The following MYO15A variants were observed in gnomAD, a reference collection of about 807,000 sequenced individuals.
MYO15A encodes unconventional myosin-XV.
MYO15A carries 308 observed loss-of-function variants against 394.6 expected under a neutral mutation model. That is an observed-to-expected ratio of 0.78 (90% CI 0.71 to 0.86). The LOEUF is 0.86. MYO15A is among the 40% of genes least tolerant of loss of function. The pLI is 0.00. For synonymous variants in MYO15A, 1,957 were observed against 2,003.8 expected (o/e 0.98, Z 0.62); for missense variants, 4,606 against 4,799.1 (o/e 0.96, Z 1.19).
At chr17:18,167,866 C>T (rs1005584326) in intron 62 of MYO15A, 143 bp downstream of exon 62, 33 of 1,357,662 alleles carry the variant, frequency 2.4e-5, no homozygotes, top group Non-Finnish European at 2.9e-5. Flanking sequence ...AAGGGGCTGT[C>T]CTTGCCTGGG....
chr17:18,148,269 C>A lies in MYO15A; in HGVS notation c.6691+59C>A. 6.2e-7 allele frequency: 1 copy of A among 1,603,178 alleles called. No homozygotes were observed. The highest frequency in any genetic ancestry group is 2.3e-5 in the East Asian group (1 of 44,364). ...TGGGAGTCAGCAGGGCCCAGTGAGC[C>A]CCGGGGATGGCAGAAGCCACTGGAT... On this transcript the variant is annotated intron_variant, in intron 31 of 65. Coordinates refer to ENST00000647165, the MANE Select transcript of MYO15A (RefSeq NM_016239.4). This position sits in a 1 kb window ranked among gnomAD's most constrained non-coding sequence, Gnocchi z 4.8.
At position 18,118,742 on chromosome 17, in the gene MYO15A, C is replaced by G; in HGVS notation, c.-59C>G. 1 of 1,605,730 alleles carries G rather than the reference C, an allele frequency of 6.2e-7. No individual in the cohort carries two copies. Among genetic ancestry groups the G allele is most frequent in the Non-Finnish European group, 8.5e-7 (1 of 1,177,536 alleles). On this transcript the variant is annotated 5_prime_UTR_variant, in exon 2 of 66. Transcript: ENST00000647165. ...CAAGAGACAGAGCAGGTCCCTGTGT[C>G]TCCAAGTCCCTGAGCCCGTGACACC...
At chr17:18,125,326 T>A in intron 4 of MYO15A, 95 bp downstream of exon 4, 2 of 1,216,862 alleles carry the variant, frequency 1.6e-6, no homozygotes, top group Non-Finnish European at 2.4e-6. Context: ...TTGTGGGCCC[T>A]AGCCCCTGTG....
At position 18,122,008 on chromosome 17, in the gene MYO15A, CA is replaced by C; in HGVS notation, c.3209del (p.Gln1070ArgfsTer55). 1 of 1,613,234 alleles carries C rather than the reference CA, an allele frequency of 6.2e-7. No individual in the cohort carries two copies. The highest frequency in any genetic ancestry group is 1.7e-5 in the Admixed American group (1 of 60,036). On this transcript the variant is annotated frameshift_variant, in exon 2 of 66. Transcript: ENST00000647165. LOFTEE classifies it high-confidence loss of function. ...CTCATACCCACTGGCTGCGTGTGAC[CA>C]GACCAGGGCCACATGGCCACCATGG... Reference protein sequence around the residue: ...SLSYPLAACDQTRATWPPWHR... With the variant: ...SLSYPLAACDXTRATWPPWHR...
chr17:18,170,061 T>C (rs1181346450), intron 62 of MYO15A, among the ~76,000 whole-genome samples: 1 of 151,562 alleles, frequency 6.6e-6, no homozygotes, highest in African/African-American at 2.4e-5. Context: ...CTCTGTACTG[T>C]CTGACTTAAG....
Position 18,126,448 on chromosome 17 carries a change from G to A in MYO15A, c.3858G>A (p.Glu1286=). ...AGTACAACGGACGGGCCCTGGGAGA[G>A]AATCCCCCGTGAGTGTCTCGGGGGC... ...VQQYNGRALG[E]NPPHLFAVAN... Residue 1286 remains glutamate (E), a synonymous_variant, in exon 5 of 66, where the codon GAG becomes GAA. Transcript: ENST00000647165. The A allele has an allele frequency of 5.6e-6, 9 of 1,613,832 alleles. No individual in the cohort carries two copies. The highest frequency in any genetic ancestry group is 7.6e-6 in the Non-Finnish European group (9 of 1,179,962).
Position 18,153,890 on chromosome 17 carries a change from C to G in MYO15A, c.8082C>G (p.Arg2694=). Residue 2694 remains arginine (R), a synonymous_variant, in exon 43 of 66, where the codon CGC becomes CGG. Coordinates refer to ENST00000647165, the MANE Select transcript of MYO15A (RefSeq NM_016239.4). This position sits in a 1 kb window ranked among gnomAD's most constrained non-coding sequence, Gnocchi z 4.1. ...ACGCCCCCTGGAAGATCTTCCTGCG[C>G]AAAGAGGTGCCGAGCACAGCCGTAG... The part of the protein sequence containing the change: ...YQDAPWKIFL[R]KEVFYPKDSY... 1 of 1,613,532 alleles carries G rather than the reference C, an allele frequency of 6.2e-7. No homozygotes were observed. The highest frequency in any genetic ancestry group is 8.5e-7 in the Non-Finnish European group (1 of 1,180,004).
rs765991947 is a variant in MYO15A, at chr17:18,121,681, G to A, written c.2881G>A (p.Glu961Lys). The A allele has an allele frequency of 3.6e-5, 58 of 1,607,672 alleles. No homozygotes were observed. The highest frequency in any genetic ancestry group is 1.7e-5 in the Non-Finnish European group (20 of 1,176,890). ...CTTTTCCAGGCCACCCCCTGTGCCG[G>A]AAAACCCCTTTCTCCAGCTCCTGGG... ...RGFSRPPPVP[E>K]NPFLQLLGPV... The change falls in exon 2 of 66, where the codon GAA (glutamate) becomes AAA (lysine). Residue 961 changes from glutamate to lysine, a missense_variant. By Grantham distance (56) the Glu-to-Lys change is moderately conservative. This residue lies in a region of MYO15A where 1,830 missense variants were observed against 1,689.7 expected (regional missense o/e 1.08). Coordinates refer to ENST00000647165, the MANE Select transcript of MYO15A (RefSeq NM_016239.4). This position sits in a 1 kb window ranked among gnomAD's most constrained non-coding sequence, Gnocchi z 5.3.
Position 18,132,400 on chromosome 17 carries a change from G to C in MYO15A, c.4207-53G>C. On this transcript the variant is annotated intron_variant, in intron 10 of 65. Transcript: ENST00000647165. This position sits in a 1 kb window ranked among gnomAD's most constrained non-coding sequence, Gnocchi z 4.6. ...GGCTTGGGCTTGTATGTGTGCCTGG[G>C]GGTCACCTAGGTAGGTGGCTCCCTT... 3.5e-6 allele frequency: 5 copies of C among 1,440,430 alleles called. No individual in the cohort carries two copies. The highest frequency in any genetic ancestry group is 4.9e-6 in the Non-Finnish European group (5 of 1,024,762). 89.2% of individuals were successfully genotyped at this position (1,440,430 alleles called of 1,614,324 possible).
chr17:18,159,799 G>A, intron 55 of MYO15A, 120 bp downstream of exon 55: 2 of 1,449,222 alleles, frequency 1.4e-6, no homozygotes, highest in South Asian at 1.2e-5. Flanking sequence ...AAAGAGGAAT[G>A]CATCATGCTG....
At chr17:18,137,496 C>A in intron 15 of MYO15A, 88 bp from the exon 16 acceptor site, 1 of 1,173,990 alleles carries the variant, frequency 8.5e-7, no homozygotes, top group Non-Finnish European at 1.3e-6. Context: ...TGAGCTCCAG[C>A]TTTTTGAAGT....
rs374742590 is a variant in MYO15A, at chr17:18,126,457, G to A, written c.3866+1G>A. 25 of 1,613,496 alleles carry A rather than the reference G, an allele frequency of 1.5e-5. No individual in the cohort carries two copies. Among genetic ancestry groups the A allele is most frequent in the South Asian group, 4.4e-5 (4 of 91,076 alleles). ...GACGGGCCCTGGGAGAGAATCCCCC[G>A]TGAGTGTCTCGGGGGCGCTGCCCTG... On this transcript the variant is annotated splice_donor_variant, in intron 5 of 65. Transcript: ENST00000647165. LOFTEE classifies it high-confidence loss of function.
In MYO15A at chr17:18,146,049, C is replaced by T; in HGVS notation, c.6451C>T (p.Leu2151=). The change falls in exon 30 of 66, where the codon CTG becomes TTG. Residue 2151 remains leucine, a synonymous_variant. Coordinates refer to ENST00000647165, the MANE Select transcript of MYO15A (RefSeq NM_016239.4). ...CAATGCTGAGCGGGGCTGGCTGCTG[C>T]TGGCCGCCTGCCTCAGTGGCTTTGC... The part of the protein sequence containing the change: ...AHNAERGWLL[L]AACLSGFAPS... 6.2e-7 allele frequency: 1 copy of T among 1,613,832 alleles called. No individual in the cohort carries two copies. The highest frequency in any genetic ancestry group is 8.5e-7 in the Non-Finnish European group (1 of 1,180,032).
chr17:18,160,629 T>G, intron 56 of MYO15A: 1 of 194,654 alleles, frequency 5.1e-6, no homozygotes, highest in Non-Finnish European at 1.1e-5. Context: ...GGGGCTGCGG[T>G]GTTCACATTG....
In MYO15A at chr17:18,173,766, T is replaced by C. The variant is rs377392348; in HGVS notation, c.10351-15T>C. ...CGCCCACAGGCCTGTCCGGCCCCTC[T>C]CCTCCTACTCCCAGGAATTGATGGT... On this transcript the variant is annotated splice_polypyrimidine_tract_variant and intron_variant, in intron 64 of 65. Coordinates refer to ENST00000647165, the MANE Select transcript of MYO15A (RefSeq NM_016239.4). The C allele has an allele frequency of 1.2e-6, 2 of 1,613,748 alleles. No individual in the cohort carries two copies. Among genetic ancestry groups the C allele is most frequent in the South Asian group, 2.2e-5 (2 of 91,082 alleles).
intron 51 of MYO15A, 135 bp downstream of exon 51, chr17:18,158,035 T>C (rs1273593362): frequency 1.6e-6 from 2 of 1,275,358 alleles, no homozygotes; most frequent in Non-Finnish European, 2.1e-6. Context: ...CTTGGACTAG[T>C]GTGAGGGTGA....
At position 18,119,128 on chromosome 17, in the gene MYO15A, C is replaced by A. The variant is rs779554298; in HGVS notation, c.328C>A (p.Arg110Ser). Residue 110 changes from arginine to serine, a missense_variant, in exon 2 of 66, where the codon CGC (arginine) becomes AGC (serine). Arg to Ser is a moderately radical substitution (Grantham distance 110). This residue lies in a region of MYO15A where 1,830 missense variants were observed against 1,689.7 expected (regional missense o/e 1.08). Coordinates refer to ENST00000647165, the MANE Select transcript of MYO15A (RefSeq NM_016239.4). ...CAAGAAGCCGTCCTTCATGGTGATC[C>A]GCTTCCCAGGCCGCCGTGGCTACGG... The part of the protein sequence containing the change: ...KGKKPSFMVI[R>S]FPGRRGYGRL... The A allele has an allele frequency of 1.9e-6, 3 of 1,611,846 alleles. No homozygotes were observed. Among genetic ancestry groups the A allele is most frequent in the South Asian group, 2.2e-5 (2 of 91,034 alleles).
rs866052034 is a variant in MYO15A at position 18,121,919 on chromosome 17, C to T, written c.3119C>T (p.Pro1040Leu). The T allele has an allele frequency of 2.5e-6, 4 of 1,613,208 alleles. No homozygotes were observed. The highest frequency in any genetic ancestry group is 8.5e-7 in the Non-Finnish European group (1 of 1,179,922). ...CCAGCACCTCCCAAGGATGTCACTC[C>T]CCCCAAGGATATCACTCCCCCCAAG... Reference protein sequence around the residue: ...PTPAPPKDVTPPKDITPPKDV... With the variant: ...PTPAPPKDVTLPKDITPPKDV... Residue 1040 changes from proline to leucine, a missense_variant, in exon 2 of 66, where the codon CCC becomes CTC. Coordinates refer to ENST00000647165, the MANE Select transcript of MYO15A (RefSeq NM_016239.4). This position sits in a 1 kb window ranked among gnomAD's most constrained non-coding sequence, Gnocchi z 5.3.
intron 7 of MYO15A, 47 bp from the exon 8 acceptor site, chr17:18,130,758 T>G (rs371411175): frequency 6.2e-7 from 1 of 1,613,196 alleles, no homozygotes; most frequent in South Asian, 1.1e-5. Context: ...GTGACTCCAT[T>G]CTGTTCTTGT....
Sources: allele counts gnomAD v4.1 joint callset (sites outside exome capture counted in the v4.1 genomes callset), GRCh38; gene constraint gnomAD v4.1.1; regional missense constraint gnomAD v4.1.1; non-coding constraint Gnocchi (gnomAD v3.1); transcripts MANE v1.5; gene names NCBI Gene and HGNC (gene_info 2026-07-23, HGNC 2026-07-21).